Variants in NLGN1 observed in about 807,000 individuals in gnomAD.
NLGN1 encodes neuroligin 1, also known as neuroligin-1.
Under a neutral mutation model 65.5 loss-of-function variants are expected in NLGN1, and 12 were observed. That is an observed-to-expected ratio of 0.18 (90% CI 0.12 to 0.30). The LOEUF is 0.30. Among genes scored for constraint, NLGN1 ranks in the 10% least tolerant of loss-of-function variants. NLGN1 has a pLI of 1.00. For missense variants in NLGN1, 750 were observed against 1,007.1 expected (o/e 0.74, Z 3.46); for synonymous variants, 350 against 359.5 (o/e 0.97, Z 0.30).
At chr3:173,636,966 A>T (rs1278426508) in intron 3 of NLGN1, among the ~76,000 whole-genome samples, 1 of 152,170 alleles carries the variant, frequency 6.6e-6, no homozygotes, top group Non-Finnish European at 1.5e-5. Flanking sequence ...AAATAAATAC[A>T]GTCTCAGCTG....
intron 2 of NLGN1, among the ~76,000 whole-genome samples, chr3:173,495,638 A>C (rs1729882226): frequency 6.7e-6 from 1 of 149,898 alleles, no homozygotes; most frequent in Admixed American, 6.7e-5. Context: ...TATCAGGTTG[A>C]AGAAATTTTC....
At chr3:173,710,064 G>C (rs1768712635) in intron 3 of NLGN1, among the ~76,000 whole-genome samples, 1 of 151,906 alleles carries the variant, frequency 6.6e-6, no homozygotes, top group Non-Finnish European at 1.5e-5. Context: ...AAATGGTGAT[G>C]GACATATCTT....
intron 3 of NLGN1, among the ~76,000 whole-genome samples, chr3:173,743,846 G>A (rs2150119464): frequency 6.6e-6 from 1 of 152,228 alleles, no homozygotes; most frequent in South Asian, 2.1e-4. Flanking sequence ...TCAATGTTCA[G>A]AGACAGACAC....
Position 174,275,383 on chromosome 3 carries a change from A to AGAT in NLGN1, c.717_719dup (p.Arg239_Trp240insTer). Reference sequence around the variant, plus strand: ...ACTCCTTGATCTCATACAAGCTTTAAGATGGACTAGTGAAAACATTGGATT... The same window carrying AGAT: ...ACTCCTTGATCTCATACAAGCTTTAAGATGATGGACTAGTGAAAACATTGGATT... On this transcript the variant is annotated stop_gained and inframe_insertion, in exon 5 of 7. Transcript: ENST00000457714. LOFTEE classifies it high-confidence loss of function. 1 of 1,612,792 alleles carries AGAT rather than the reference A, an allele frequency of 6.2e-7. No individual in the cohort carries two copies. Among genetic ancestry groups the AGAT allele is most frequent in the Non-Finnish European group, 8.5e-7 (1 of 1,179,116 alleles).
At chr3:173,579,432 G>A (rs77533777) in intron 2 of NLGN1, among the ~76,000 whole-genome samples, 3,591 of 152,326 alleles carry the variant, frequency 0.024, 56 homozygotes, top group Middle Eastern at 0.048. Flanking sequence ...AGCCATGATC[G>A]TGCCTCTGCA....
In NLGN1 at chr3:174,189,771, G is replaced by A. The variant is rs1231599648; in HGVS notation, c.647-85544G>A. The stretch of plus-strand genomic sequence containing the variant: ...CAAACAATAACTCATTTGTCAAAGG[G>A]AGACAGTTCATTAAAATTCAACAAC... On this transcript the variant is annotated intron_variant, in intron 4 of 6. Transcript: ENST00000457714. 5.3e-5 allele frequency among the ~76,000 whole-genome samples: 8 copies of A among 151,892 alleles called. No individual in the cohort carries two copies. In the East Asian group the frequency reaches 9.7e-4, roughly 18 times the overall value.
At chr3:173,419,946 C>T (rs1714663878) in intron 1 of NLGN1, among the ~76,000 whole-genome samples, 1 of 150,024 alleles carries the variant, frequency 6.7e-6, no homozygotes, top group Non-Finnish European at 1.5e-5. Flanking sequence ...GCACTCCAGC[C>T]TGGCGACACA....
intron 2 of NLGN1, among the ~76,000 whole-genome samples, chr3:173,528,008 T>C (rs897928693): frequency 5.3e-5 from 8 of 152,224 alleles, no homozygotes; most frequent in Non-Finnish European, 1.2e-4. Flanking sequence ...GTTAGCTAGT[T>C]GCTTTGAAGT....
intron 4 of NLGN1, chr3:173,912,680 G>A (rs1401916633): frequency 1.3e-5 from 2 of 152,116 alleles, no homozygotes; most frequent in Non-Finnish European, 2.9e-5. Flanking sequence ...AATTAAGCAT[G>A]ATCTAATAAT....
intron 3 of NLGN1, among the ~76,000 whole-genome samples, chr3:173,748,621 G>A (rs564917998): frequency 3.9e-5 from 6 of 152,234 alleles, no homozygotes; most frequent in Non-Finnish European, 5.9e-5. Flanking sequence ...ACATCCAGAT[G>A]TAATATAAAC....
intron 4 of NLGN1, among the ~76,000 whole-genome samples, chr3:173,838,869 G>A (rs1724196091): frequency 1.3e-5 from 2 of 152,150 alleles, no homozygotes; most frequent in Admixed American, 1.3e-4. Context: ...TGATGAGCAA[G>A]CAGTCTACGT....
intron 4 of NLGN1, among the ~76,000 whole-genome samples, chr3:173,875,098 G>A (rs543233614): frequency 2.0e-5 from 3 of 152,252 alleles, no homozygotes; most frequent in African/African-American, 7.2e-5. Flanking sequence ...ACCTGAGCAA[G>A]GAATTTTTCA....
intron 3 of NLGN1, among the ~76,000 whole-genome samples, chr3:173,636,550 GT>G (rs528312909): frequency 3.4e-5 from 5 of 148,262 alleles, no homozygotes; most frequent in African/African-American, 9.9e-5. Flanking sequence ...TTAGCATATC[GT>G]TTTTTTTTGC....
chr3:173,582,752 CTTTAT>C lies in NLGN1; in HGVS notation c.-320-21522_-320-21518del, dbSNP rs536019682. Among the ~76,000 whole-genome samples the C allele has an allele frequency of 3.9e-5, 6 of 152,012 alleles. No individual in the cohort carries two copies. In the South Asian group the frequency reaches 1.2e-3, roughly 32 times the overall value. ...GTGTACATTTTGATTTATATAATTG[CTTTAT>C]TTTAATATATCAAATTTAATATTAT... On this transcript the variant is annotated intron_variant, in intron 2 of 6. Transcript: ENST00000457714.
chr3:173,738,347 A>G (rs1400899370), intron 3 of NLGN1, among the ~76,000 whole-genome samples: 2 of 151,864 alleles, frequency 1.3e-5, no homozygotes, highest in Non-Finnish European at 2.9e-5. Context: ...AAATTTTACT[A>G]TGTTTTCTTC....
intron 3 of NLGN1, among the ~76,000 whole-genome samples, chr3:173,670,041 A>G (rs1215609052): frequency 6.6e-6 from 1 of 152,216 alleles, no homozygotes; most frequent in Non-Finnish European, 1.5e-5. Flanking sequence ...CTGTAGTGGT[A>G]ATATTTTTAT....
exon 4 of NLGN1, chr3:173,807,691 A>G (rs1452422185): frequency 1.2e-6 from 2 of 1,613,468 alleles, no homozygotes; most frequent in Non-Finnish European, 1.7e-6. Flanking sequence ...TATTCGGGAC[A>G]GTGGGGGTCC....
chr3:173,788,406 AT>A (rs1189228141), intron 3 of NLGN1, among the ~76,000 whole-genome samples: 3 of 151,824 alleles, frequency 2.0e-5, no homozygotes, highest in African/African-American at 7.3e-5. Context: ...CAATTAACCT[AT>A]TTTTTTAGTT....
chr3:174,265,887 C>CGTATATATGTATATATGT (rs1163493490), intron 4 of NLGN1, among the ~76,000 whole-genome samples: 2 of 136,284 alleles, frequency 1.5e-5, no homozygotes, highest in Admixed American at 7.6e-5. Flanking sequence ...TATATATATA[C>CGTATATATGTATATATGT]GTATATATGT....
Sources: allele counts gnomAD v4.1 joint callset (sites outside exome capture counted in the v4.1 genomes callset), GRCh38; gene constraint gnomAD v4.1.1; transcripts MANE v1.5; gene names NCBI Gene and HGNC (gene_info 2026-07-23, HGNC 2026-07-21).